Variants in DCC observed in about 807,000 individuals in gnomAD.
DCC encodes the protein netrin receptor DCC.
DCC carries 58 observed loss-of-function variants against 172.5 expected under a neutral mutation model. The ratio of observed to expected loss-of-function variants is 0.34; its 90% CI spans 0.27 to 0.42. The LOEUF is 0.42. DCC is among the 10% of genes least tolerant of loss of function. The pLI is 1.00. For synonymous variants in DCC, 709 were observed against 644.5 expected, an observed-to-expected ratio of 1.10 and a Z score of -1.52; for missense variants, 1,740 against 1,791.0, an observed-to-expected ratio of 0.97 and a Z score of 0.51.
chr18:53,163,432 T>A (rs892367864), intron 8 of DCC, among the ~76,000 whole-genome samples: 3 of 152,250 alleles, frequency 2.0e-5, no homozygotes, highest in Non-Finnish European at 2.9e-5. Flanking sequence ...AATATGCCAC[T>A]GTCTCTTAGC....
chr18:53,192,716 T>G (rs2144515973), intron 9 of DCC, among the ~76,000 whole-genome samples: 1 of 152,314 alleles, frequency 6.6e-6, no homozygotes, highest in East Asian at 1.9e-4. Flanking sequence ...GGGGAAGATG[T>G]TAGGTTATGA....
intron 7 of DCC, among the ~76,000 whole-genome samples, chr18:53,073,442 A>T (rs60237858): frequency 6.6e-6 from 1 of 151,926 alleles, no homozygotes; most frequent in African/African-American, 2.4e-5. Flanking sequence ...GGAGAATGGT[A>T]TGAAACCTGG....
chr18:53,499,554 G>C lies in DCC; in HGVS notation c.4111+44G>C. The C allele has an allele frequency of 2.7e-6, 4 of 1,507,240 alleles. 1 individual carries two copies. The highest frequency in any genetic ancestry group is 2.3e-5 in the South Asian group (2 of 88,600). The allele number at this position is 1,507,240 out of a possible 1,614,324, so 93.4% of individuals were successfully genotyped here. A position where few individuals can be genotyped will look rare whatever the true frequency, so the allele number is the denominator to read the frequency against. ...CACCTTTAAAATTCTTATTATTATT[G>C]GTGCCTCTATTTAAGTGCATGAGGG... is the stretch of plus-strand genomic sequence containing the variant. On this transcript the variant is annotated intron_variant, in intron 27 of 28. Transcript: ENST00000442544.
At chr18:52,645,141 T>C (rs2034994795) in intron 1 of DCC, among the ~76,000 whole-genome samples, 1 of 152,206 alleles carries the variant, frequency 6.6e-6, no homozygotes, top group Non-Finnish European at 1.5e-5. Context: ...CCATTGTATG[T>C]AGATGAGATC....
intron 1 of DCC, among the ~76,000 whole-genome samples, chr18:52,479,585 C>CG (rs879866926): frequency 1.3e-4 from 18 of 133,702 alleles, no homozygotes; most frequent in African/African-American, 5.0e-4. Context: ...CCTCCACCCC[C>CG]CCCCCGTCTC....
chr18:52,879,412 C>CTGTTTTTTTTTTTTTTT (rs2039448314), intron 2 of DCC, among the ~76,000 whole-genome samples: 1 of 62,356 alleles, frequency 1.6e-5, no homozygotes, highest in African/African-American at 6.9e-5. Context: ...TGTTGTTTGG[C>CTGTTTTTTTTTTTTTTT]TTTTTTTTTT....
chr18:52,652,889 G>A (rs2035170216), intron 1 of DCC, among the ~76,000 whole-genome samples: 1 of 152,098 alleles, frequency 6.6e-6, no homozygotes, highest in Non-Finnish European at 1.5e-5. Context: ...CAAGTATCCA[G>A]AGCTTTCCCC....
At chr18:53,239,017 G>C (rs1348613549) in intron 12 of DCC, among the ~76,000 whole-genome samples, 3 of 147,732 alleles carry the variant, frequency 2.0e-5, no homozygotes, top group African/African-American at 7.5e-5. Flanking sequence ...ACACAGGAAG[G>C]GGGACATCAC....
intron 2 of DCC, among the ~76,000 whole-genome samples, chr18:52,760,257 C>T (rs1208990421): frequency 6.6e-6 from 1 of 152,142 alleles, no homozygotes; most frequent in Non-Finnish European, 1.5e-5. Flanking sequence ...GGGGGAAAGC[C>T]ACTCATGAAA....
intron 1 of DCC, among the ~76,000 whole-genome samples, chr18:52,444,374 G>A (rs898020783): frequency 6.6e-6 from 1 of 152,140 alleles, no homozygotes; most frequent in Non-Finnish European, 1.5e-5. Flanking sequence ...ACGTCAAGAA[G>A]CTTAAAATCA....
At chr18:53,080,814 A>G (rs2144134270) in intron 7 of DCC, among the ~76,000 whole-genome samples, 1 of 152,202 alleles carries the variant, frequency 6.6e-6, no homozygotes, top group South Asian at 2.1e-4. Flanking sequence ...TCTGTAAGTT[A>G]TTGGCATTGC....
intron 1 of DCC, among the ~76,000 whole-genome samples, chr18:52,592,555 G>T (rs1262677338): frequency 6.6e-6 from 1 of 152,180 alleles, no homozygotes; most frequent in Non-Finnish European, 1.5e-5. Flanking sequence ...GGTGACTTGA[G>T]CAGAATAGCC....
intron 28 of DCC, among the ~76,000 whole-genome samples, chr18:53,527,949 T>C (rs534336012): frequency 1.3e-5 from 2 of 152,146 alleles, no homozygotes; most frequent in Non-Finnish European, 2.9e-5. Flanking sequence ...GCATAAATTA[T>C]GAAATGAAAA....
chr18:53,358,578 A>G (rs1599061909), intron 15 of DCC, among the ~76,000 whole-genome samples: 1 of 113,986 alleles, frequency 8.8e-6, no homozygotes. Context: ...TCTGTTGCCC[A>G]GGCATGGTCT....
intron 1 of DCC, among the ~76,000 whole-genome samples, chr18:52,572,677 T>C (rs1041612449): frequency 1.3e-5 from 2 of 152,116 alleles, no homozygotes; most frequent in Non-Finnish European, 2.9e-5. Context: ...CTCCCATTCT[T>C]GACGTGGGGA....
chr18:52,667,054 G>A (rs769251988), intron 1 of DCC, among the ~76,000 whole-genome samples: 1 of 152,228 alleles, frequency 6.6e-6, no homozygotes, highest in East Asian at 1.9e-4. Flanking sequence ...AATTTGAGGG[G>A]CAAAGGGAGG....
intron 1 of DCC, among the ~76,000 whole-genome samples, chr18:52,605,791 A>T (rs1221876): frequency 0.81 from 123,572 of 151,970 alleles, 50,995 homozygotes; most frequent in Middle Eastern, 0.91. Flanking sequence ...GGCATTACTT[A>T]TGAAGGATAA....
intron 7 of DCC, among the ~76,000 whole-genome samples, chr18:53,124,597 C>T (rs572305523): frequency 6.6e-6 from 1 of 152,128 alleles, no homozygotes; most frequent in East Asian, 1.9e-4. Flanking sequence ...GACAACATTG[C>T]TCTGTAAGAG....
chr18:53,346,389 C>A (rs1343556432), intron 15 of DCC, among the ~76,000 whole-genome samples: 1 of 152,062 alleles, frequency 6.6e-6, no homozygotes, highest in Non-Finnish European at 1.5e-5. Flanking sequence ...TCACCACATT[C>A]CCTCTGAGAC....
Sources: gnomAD v4.1 joint callset for allele counts (sites outside exome capture counted in the v4.1 genomes callset) on GRCh38, gnomAD v4.1.1 for gene constraint, MANE v1.5 for transcripts, NCBI Gene and HGNC (gene_info 2026-07-23, HGNC 2026-07-21) for gene names.